The following CA13 variants were observed in gnomAD, a reference collection of about 807,000 sequenced individuals.
CA13 encodes the protein carbonic anhydrase 13, also known as CA-XIII.
Under a neutral mutation model 31.5 loss-of-function variants are expected in CA13, and 21 were observed. The ratio of observed to expected loss-of-function variants is 0.67; its 90% CI spans 0.47 to 0.96. The LOEUF is 0.96. Among genes scored for constraint, CA13 ranks in the 40% least tolerant of loss-of-function variants. CA13 has a pLI of 0.00. For synonymous variants in CA13, 117 were observed against 111.4 expected (o/e 1.05, Z -0.32); for missense variants, 315 against 318.9 (o/e 0.99, Z 0.09).
Position 85,245,562 on chromosome 8 carries a change from C to T in CA13, c.-267C>T. 3.9e-6 allele frequency: 2 copies of T among 508,390 alleles called. No homozygotes were observed. The highest frequency in any genetic ancestry group is 3.6e-5 in the East Asian group (1 of 27,646). 31.5% of individuals were successfully genotyped at this position (508,390 alleles called of 1,614,324 possible). A position where few individuals can be genotyped will look rare whatever the true frequency, so the allele number is the denominator to read the frequency against. The stretch of plus-strand genomic sequence containing the variant: ...GAAACCTTTCTCTCTCCGTCTCTCC[C>T]TCTAACTCAAATCTCTCATTCCCGA... On this transcript the variant is annotated 5_prime_UTR_variant, in exon 1 of 7. Coordinates refer to ENST00000321764, the MANE Select transcript of CA13 (RefSeq NM_198584.3).
chr8:85,259,404 A>T lies in CA13; in HGVS notation c.236-17A>T. ...TATTTTTTCCTTGCTAACAATATAAAACATGTTGTTGTTTAGTTCTGCGTG... is the reference window on the plus strand; with the variant it reads ...TATTTTTTCCTTGCTAACAATATAATACATGTTGTTGTTTAGTTCTGCGTG... On this transcript the variant is annotated splice_polypyrimidine_tract_variant and intron_variant, in intron 2 of 6. Transcript: ENST00000321764. 1 of 1,593,300 alleles carries T rather than the reference A, an allele frequency of 6.3e-7. No homozygotes were observed. Among genetic ancestry groups the T allele is most frequent in the Admixed American group, 1.7e-5 (1 of 59,978 alleles).
chr8:85,247,772 T>C (rs1813757208), intron 1 of CA13, among the ~76,000 whole-genome samples: 3 of 152,212 alleles, frequency 2.0e-5, no homozygotes. Context: ...GGTTTCGTCA[T>C]GTTGGCCAGG....
At chr8:85,280,487 G>A (rs1332269472) in intron 6 of CA13, among the ~76,000 whole-genome samples, 2 of 152,178 alleles carry the variant, frequency 1.3e-5, no homozygotes, top group Non-Finnish European at 2.9e-5. Flanking sequence ...CCTAAAGGAT[G>A]TGAATTTGGT....
intron 4 of CA13, 42 bp downstream of exon 4, chr8:85,266,745 G>C: frequency 1.4e-6 from 2 of 1,477,886 alleles, no homozygotes; most frequent in South Asian, 2.3e-5. Context: ...CAGCCTTGTT[G>C]AAGAAAGAGC....
chr8:85,267,698 C>T lies in CA13; in HGVS notation c.451-204C>T, dbSNP rs559572642. ...TAAGCTGAAAGTTCAGTACAGGAAC[C>T]CTGTAATATTATCTTGTTGTTCAGA... On this transcript the variant is annotated intron_variant, in intron 4 of 6. Coordinates refer to ENST00000321764, the MANE Select transcript of CA13 (RefSeq NM_198584.3). Among the ~76,000 whole-genome samples, 4 of 152,122 alleles carry T rather than the reference C, an allele frequency of 2.6e-5. No individual in the cohort carries two copies. The East Asian group carries it at 7.7e-4, about 29-fold the overall frequency.
At chr8:85,272,993 T>A (rs1261944873) in intron 6 of CA13, among the ~76,000 whole-genome samples, 5 of 152,160 alleles carry the variant, frequency 3.3e-5, no homozygotes, top group Non-Finnish European at 7.4e-5. Flanking sequence ...AATTTTTGTA[T>A]TTTTAGTAGA....
intron 2 of CA13, 48 bp from the exon 3 acceptor site, chr8:85,259,373 T>C (rs374724072): frequency 5.5e-6 from 8 of 1,466,066 alleles, no homozygotes; most frequent in East Asian, 4.5e-5. Flanking sequence ...GAGCAGCTTA[T>C]GTAAATATTT....
chr8:85,264,888 A>G (rs1465440409), intron 3 of CA13, among the ~76,000 whole-genome samples: 3 of 152,122 alleles, frequency 2.0e-5, no homozygotes, highest in Non-Finnish European at 2.9e-5. Context: ...TCCTCCCCCA[A>G]CTATCTCACA....
At chr8:85,251,482 C>T (rs187281875) in intron 2 of CA13, among the ~76,000 whole-genome samples, 8 of 152,110 alleles carry the variant, frequency 5.3e-5, no homozygotes, top group African/African-American at 1.7e-4. Context: ...TAAAATTGAC[C>T]TTAGCTTGTT....
intron 3 of CA13, 49 bp downstream of exon 3, chr8:85,259,588 A>G (rs947175726): frequency 2.1e-6 from 3 of 1,461,820 alleles, no homozygotes; most frequent in Non-Finnish European, 2.9e-6. Context: ...ACATGGTGGA[A>G]TTTAAGGGGT....
Position 85,245,812 on chromosome 8 carries a change from T to G in CA13, c.-17T>G. 6.2e-7 allele frequency: 1 copy of G among 1,613,936 alleles called. No individual in the cohort carries two copies. Among genetic ancestry groups the G allele is most frequent in the Non-Finnish European group, 8.5e-7 (1 of 1,179,858 alleles). The stretch of plus-strand genomic sequence containing the variant: ...CTGCTCAGTCACATCTTTCTCTTCC[T>G]TCCACCCCGAGGGACCATGTCGAGG... On this transcript the variant is annotated 5_prime_UTR_variant, in exon 1 of 7. Coordinates refer to ENST00000321764, the MANE Select transcript of CA13 (RefSeq NM_198584.3).
intron 6 of CA13, among the ~76,000 whole-genome samples, chr8:85,277,658 C>A (rs1807633738): frequency 6.6e-6 from 1 of 152,144 alleles, no homozygotes; most frequent in Admixed American, 6.5e-5. Context: ...TGAGAGCGCG[C>A]CAACAGCACA....
Position 85,281,285 on chromosome 8 carries a change from T to C in CA13, c.725T>C (p.Leu242Pro), listed in dbSNP as rs1587548857. ...CTAEGEAAAF[L>P]VSNHRPPQPL... ...GCGGAGGGTGAAGCAGCAGCTTTTC[T>C]GGTGAGCAATCACCGCCCACCACAG... Residue 242 changes from leucine to proline, a missense_variant, in exon 7 of 7, where the codon CTG (leucine) becomes CCG (proline). Transcript: ENST00000321764. The C allele has an allele frequency of 6.2e-7, 1 of 1,614,128 alleles. No homozygotes were observed. Among genetic ancestry groups the C allele is most frequent in the East Asian group, 2.2e-5 (1 of 44,878 alleles).
chr8:85,276,255 T>TCC (rs1026955446), intron 6 of CA13, among the ~76,000 whole-genome samples: 1 of 151,786 alleles, frequency 6.6e-6, no homozygotes, highest in Non-Finnish European at 1.5e-5. Context: ...GCTGCCTTCC[T>TCC]CCCCCCGGGG....
chr8:85,248,499 C>T (rs1314992008), intron 1 of CA13, among the ~76,000 whole-genome samples: 5 of 151,088 alleles, frequency 3.3e-5, no homozygotes, highest in African/African-American at 9.7e-5. Flanking sequence ...GTGGCTTGCA[C>T]CTGTAATCCT....
intron 3 of CA13, among the ~76,000 whole-genome samples, chr8:85,260,824 C>A (rs76135104): frequency 6.6e-6 from 1 of 152,178 alleles, no homozygotes; most frequent in Non-Finnish European, 1.5e-5. Flanking sequence ...ATGTCCAAAG[C>A]GCCCTCGGAA....
intron 5 of CA13, among the ~76,000 whole-genome samples, chr8:85,268,198 A>G (rs1446773264): frequency 1.3e-5 from 2 of 152,256 alleles, no homozygotes; most frequent in Non-Finnish European, 2.9e-5. Context: ...ATTATATTAC[A>G]GAGTAAGCCT....
chr8:85,246,170 A>G, intron 1 of CA13: 3 of 528,818 alleles, frequency 5.7e-6, no homozygotes, highest in South Asian at 2.0e-5. Flanking sequence ...GACTTTGCCT[A>G]GTAACAGCCA....
At chr8:85,255,527 G>C (rs1807278093) in intron 2 of CA13, among the ~76,000 whole-genome samples, 1 of 151,964 alleles carries the variant, frequency 6.6e-6, no homozygotes, top group South Asian at 2.1e-4. Flanking sequence ...TGCCATGTTG[G>C]TCAAGCTGGT....
Sources: allele counts gnomAD v4.1 joint callset (sites outside exome capture counted in the v4.1 genomes callset), GRCh38; gene constraint gnomAD v4.1.1; transcripts MANE v1.5; gene names NCBI Gene and HGNC (gene_info 2026-07-23, HGNC 2026-07-21).